ZPLD1: variants seen among roughly 807,000 people sequenced by gnomAD.
ZPLD1 encodes zona pellucida like domain containing 1.
Under a neutral mutation model 47.2 loss-of-function variants are expected in ZPLD1, and 34 were observed. That is an observed-to-expected ratio of 0.72 (90% CI 0.55 to 0.96). ZPLD1 has a LOEUF of 0.96. ZPLD1 is among the 40% of genes least tolerant of loss of function. ZPLD1 has a pLI of 0.00. For missense variants in ZPLD1, 512 were observed against 505.8 expected (o/e 1.01, Z -0.12); for synonymous variants, 176 against 186.2 (o/e 0.95, Z 0.45).
chr3:102,435,160 G>A lies in ZPLD1; in HGVS notation c.-123+6G>A. The stretch of plus-strand genomic sequence containing the variant: ...GTGCAGGGGAAATGATGAAGGTAAG[G>A]TTGAGGATGGGAAATTTGCAAGATA... On this transcript the variant is annotated splice_donor_region_variant and intron_variant, in intron 1 of 11. Coordinates refer to ENST00000466937, the MANE Select transcript of ZPLD1 (RefSeq NM_001329788.2). 1 of 1,614,120 alleles carries A rather than the reference G, an allele frequency of 6.2e-7. No individual in the cohort carries two copies. The highest frequency in any genetic ancestry group is 1.7e-5 in the Admixed American group (1 of 60,028).
At chr3:102,472,646 G>A (rs564976016) in intron 10 of ZPLD1, among the ~76,000 whole-genome samples, 143 of 152,076 alleles carry the variant, frequency 9.4e-4, no homozygotes, top group African/African-American at 3.2e-3. Flanking sequence ...AGTTCTTGTT[G>A]CCAAATAATT....
chr3:102,430,670 G>A (rs897997339), upstream of ZPLD1, among the ~76,000 whole-genome samples: 1 of 152,130 alleles, frequency 6.6e-6, no homozygotes, highest in Non-Finnish European at 1.5e-5. Context: ...TTCATTGTTG[G>A]TACCCATGAA....
rs751972972 is a variant in ZPLD1 at position 102,477,503 on chromosome 3, TG to T, written c.1135del (p.Val379SerfsTer26). The T allele has an allele frequency of 6.2e-7, 1 of 1,613,854 alleles. No individual in the cohort carries two copies. The highest frequency in any genetic ancestry group is 8.5e-7 in the Non-Finnish European group (1 of 1,179,776). On this transcript the variant is annotated frameshift_variant, in exon 12 of 12. Coordinates refer to ENST00000466937, the MANE Select transcript of ZPLD1 (RefSeq NM_001329788.2). LOFTEE classifies it high-confidence loss of function. ...NAITSALISG[M>X]VILGVTSFSL... The stretch of plus-strand genomic sequence containing the variant: ...ATCACCAGCGCACTGATATCAGGAA[TG>T]GTCATTCTGGGAGTTACGAGCTTTT...
intron 3 of ZPLD1, among the ~76,000 whole-genome samples, chr3:102,445,049 A>G (rs541688201): frequency 6.6e-6 from 1 of 152,246 alleles, no homozygotes; most frequent in East Asian, 1.9e-4. Context: ...TACAGGCACC[A>G]CCACTGCCAG....
intron 8 of ZPLD1, among the ~76,000 whole-genome samples, chr3:102,425,187 C>A (rs1706928982): frequency 6.6e-6 from 1 of 152,022 alleles, no homozygotes; most frequent in African/African-American, 2.4e-5. Context: ...AGGAATAGAC[C>A]AAACTAAACA....
chr3:102,411,216 C>A (rs1706744761), intron 7 of ZPLD1, among the ~76,000 whole-genome samples: 1 of 151,710 alleles, frequency 6.6e-6, no homozygotes, highest in African/African-American at 2.4e-5. Context: ...AAATTGGATT[C>A]TATTTTTCCA....
chr3:102,454,888 T>C (rs996934298), intron 4 of ZPLD1, among the ~76,000 whole-genome samples: 9 of 152,182 alleles, frequency 5.9e-5, no homozygotes, highest in Non-Finnish European at 1.2e-4. Context: ...TATACATGTA[T>C]GTATGTATTT....
In ZPLD1 at chr3:102,408,957, CTAG is replaced by C. The variant is rs202214629; in HGVS notation, c.-156-9100_-156-9098del. 5.2e-3 allele frequency among the ~76,000 whole-genome samples: 791 copies of C among 151,876 alleles called. 4 individuals carry two copies. The highest frequency in any genetic ancestry group is 0.027 in the Middle Eastern group (8 of 294). ...TTAAAATATTTTATTAACCAGATAT[CTAG>C]TACAATGGACCCTGAGATCCTCAAT... On this transcript the variant is annotated intron_variant, in intron 7 of 17. Transcript: ENST00000491959.
chr3:102,430,465 G>A (rs1172384581), upstream of ZPLD1, among the ~76,000 whole-genome samples: 1 of 152,112 alleles, frequency 6.6e-6, no homozygotes, highest in Non-Finnish European at 1.5e-5. Context: ...AGCTCTGTGT[G>A]GGTAAAGCTT....
intron 3 of ZPLD1, among the ~76,000 whole-genome samples, chr3:102,443,471 A>G (rs1707211698): frequency 6.6e-6 from 1 of 152,200 alleles, no homozygotes; most frequent in African/African-American, 2.4e-5. Flanking sequence ...ATGATGTCTA[A>G]AAATGAAATT....
chr3:102,412,200 A>G (rs950072114), intron 7 of ZPLD1, among the ~76,000 whole-genome samples: 2 of 151,756 alleles, frequency 1.3e-5, no homozygotes, highest in African/African-American at 4.8e-5. Context: ...ATATCTAAAA[A>G]CCATCTTCAT....
At chr3:102,413,316 A>G (rs1228811195) in intron 7 of ZPLD1, among the ~76,000 whole-genome samples, 1 of 151,870 alleles carries the variant, frequency 6.6e-6, no homozygotes, top group Non-Finnish European at 1.5e-5. Context: ...TAAGATGGTC[A>G]TAGACACTTT....
At chr3:102,388,806 T>TG (rs1007179301) in intron 6 of ZPLD1, among the ~76,000 whole-genome samples, 3 of 152,240 alleles carry the variant, frequency 2.0e-5, no homozygotes, top group Non-Finnish European at 4.4e-5. Context: ...AAAATATTTC[T>TG]GGGGGGGTGA....
intron 6 of ZPLD1, among the ~76,000 whole-genome samples, 200 bp from the exon 7 acceptor site, chr3:102,462,081 T>G (rs1273922077): frequency 6.6e-6 from 1 of 152,060 alleles, no homozygotes; most frequent in Non-Finnish European, 1.5e-5. Flanking sequence ...GATTCACACA[T>G]GGAATCAATT....
chr3:102,458,878 A>G (rs1022645317), intron 6 of ZPLD1, among the ~76,000 whole-genome samples: 2 of 152,082 alleles, frequency 1.3e-5, no homozygotes, highest in African/African-American at 2.4e-5. Flanking sequence ...TCACGAGGTC[A>G]GGAGATCGAG....
chr3:102,392,077 A>T (rs1353525427), intron 6 of ZPLD1: 1 of 152,220 alleles, frequency 6.6e-6, no homozygotes, highest in African/African-American at 2.4e-5. Context: ...GCTTACAAAG[A>T]CGAAAATATT....
intron 8 of ZPLD1, among the ~76,000 whole-genome samples, chr3:102,464,750 A>G (rs890998201): frequency 6.6e-6 from 1 of 152,200 alleles, no homozygotes; most frequent in African/African-American, 2.4e-5. Context: ...TAGAGCCAAT[A>G]ACTTCATCCT....
chr3:102,442,319 AACACACACACACACAC>A (rs34634788), intron 3 of ZPLD1, among the ~76,000 whole-genome samples: 1,894 of 139,946 alleles, frequency 0.014, 20 homozygotes, highest in African/African-American at 0.024. Context: ...TACACCCATA[AACACACACACACACAC>A]ACACACACAC....
intron 6 of ZPLD1, among the ~76,000 whole-genome samples, chr3:102,389,865 G>T (rs1162449705): frequency 6.6e-6 from 1 of 152,166 alleles, no homozygotes; most frequent in Non-Finnish European, 1.5e-5. Flanking sequence ...GATGGATCCT[G>T]AGTGTCATGG....
Sources: gnomAD v4.1 joint callset for allele counts (sites outside exome capture counted in the v4.1 genomes callset) on GRCh38, gnomAD v4.1.1 for gene constraint, MANE v1.5 for transcripts, NCBI Gene and HGNC (gene_info 2026-07-23, HGNC 2026-07-21) for gene names.